The following TFAP2A variants were observed in gnomAD, a reference collection of about 807,000 sequenced individuals.
TFAP2A encodes the protein transcription factor AP-2 alpha, also known as transcription factor AP-2-alpha.
A neutral mutation model predicts 41.5 loss-of-function variants in TFAP2A; 7 were observed. The ratio of observed to expected loss-of-function variants is 0.17; its 90% confidence interval spans 0.10 to 0.32. The LOEUF (loss-of-function observed/expected upper bound fraction) is 0.32, where lower values mean the gene tolerates loss of function less well. Among genes scored for constraint, TFAP2A ranks in the 10% least tolerant of loss-of-function variants. The pLI, the probability that TFAP2A is intolerant of heterozygous loss-of-function variation, is 1.00. For synonymous variants in TFAP2A, 247 were observed against 242.8 expected, an observed-to-expected ratio of 1.02 and a Z score of -0.16; for missense variants, 416 against 563.3, an observed-to-expected ratio of 0.74 and a Z score of 2.65.
intron 3 of TFAP2A, 80 bp from the exon 4 acceptor site, chr6:10,404,819 G>C: frequency 7.6e-7 from 1 of 1,314,600 alleles, no homozygotes; most frequent in South Asian, 1.2e-5. Flanking sequence ...CCTCATCCCG[G>C]CCAGGGCCGG....
At position 10,412,621 on chromosome 6, in the gene TFAP2A, C is replaced by G. The variant is rs1352184371; in HGVS notation, c.52-2286G>C. 3.9e-5 allele frequency: 10 copies of G among 258,512 alleles called. No individual in the cohort carries two copies. The East Asian group carries it at 9.0e-4, about 23-fold the overall frequency. The allele number at this position is 258,512 out of a possible 1,614,324, so 16.0% of individuals were successfully genotyped here. ...GCAGACCTCGGGATGCAGCGGGGGT[C>G]GTGCGTAGCGGGTAGGAGCTGCTTG... On this transcript the variant is annotated intron_variant, in intron 1 of 6. Coordinates refer to ENST00000379613, the MANE Select transcript of TFAP2A (RefSeq NM_001372066.1).
upstream of TFAP2A, chr6:10,415,476 C>T: frequency 3.9e-6 from 1 of 256,830 alleles, no homozygotes; most frequent in Non-Finnish European, 7.7e-6. Flanking sequence ...CGAGGCCCTG[C>T]CCCAACACCC....
chr6:10,409,764 C>A (rs1266894600), intron 2 of TFAP2A, 137 bp downstream of exon 2: 2 of 1,104,028 alleles, frequency 1.8e-6, no homozygotes, highest in Non-Finnish European at 1.3e-6. Flanking sequence ...CCTCACTCTC[C>A]GCCTCCGAAT....
chr6:10,419,211 T>TTTGCG (rs1758347771), upstream of TFAP2A, among the ~76,000 whole-genome samples: 1 of 152,174 alleles, frequency 6.6e-6, no homozygotes, highest in African/African-American at 2.4e-5. Context: ...GGCTGCGCGC[T>TTTGCG]TTGCGCCCAG....
At chr6:10,412,042 T>G in intron 1 of TFAP2A, 1 of 1,033,564 alleles carries the variant, frequency 9.7e-7, no homozygotes, top group Non-Finnish European at 1.2e-6. Flanking sequence ...TTCATGACTA[T>G]TAATATTACA....
At chr6:10,415,114 TGGA>T (rs1758190751), upstream of TFAP2A, 6 of 1,553,218 alleles carry the variant, frequency 3.9e-6, no homozygotes, top group Admixed American at 3.7e-5. Flanking sequence ...GGAGAGGAGG[TGGA>T]GGAGGAGAAG....
chr6:10,404,561 C>T lies in TFAP2A; in HGVS notation c.717G>A (p.Arg239=), dbSNP rs554807432. ...CGTTGAGACACTCGGGTGGTGAGAGCCGCCGCTGCACTTCCGCCACCGTGA... is the reference window on the plus strand; with the variant it reads ...CGTTGAGACACTCGGGTGGTGAGAGTCGCCGCTGCACTTCCGCCACCGTGA... The part of the protein sequence containing the change: ...YKVTVAEVQR[R]LSPPECLNAS... The change falls in exon 4 of 7, where the codon CGG becomes CGA. Residue 239 remains arginine (R), a synonymous_variant. Coordinates refer to ENST00000379613, the MANE Select transcript of TFAP2A (RefSeq NM_001372066.1). The T allele has an allele frequency of 6.2e-6, 10 of 1,613,846 alleles. No individual in the cohort carries two copies. Among genetic ancestry groups the T allele is most frequent in the Middle Eastern group, 1.6e-4 (1 of 6,062 alleles).
At chr6:10,410,702 G>T (rs1757925407) in intron 1 of TFAP2A, among the ~76,000 whole-genome samples, 1 of 152,170 alleles carries the variant, frequency 6.6e-6, no homozygotes, top group East Asian at 1.9e-4. Flanking sequence ...CTTTTCCCCC[G>T]ATTTGAACCT....
chr6:10,400,730 A>G, intron 5 of TFAP2A, 141 bp from the exon 6 acceptor site: 1 of 1,002,174 alleles, frequency 1.0e-6, no homozygotes, highest in Non-Finnish European at 1.5e-6. Flanking sequence ...CATTTCAGGC[A>G]TTTTATTTCC....
Position 10,398,042 on chromosome 6 carries a change from T to G in TFAP2A, c.*375A>C. On this transcript the variant is annotated 3_prime_UTR_variant, in exon 7 of 7. Coordinates refer to ENST00000379613, the MANE Select transcript of TFAP2A (RefSeq NM_001372066.1). This position sits in a 1 kb window ranked among gnomAD's most constrained non-coding sequence, Gnocchi z 5.3. Reference sequence around the variant, plus strand: ...TTTTTTTTAGAAAAAAGTTTTTAATTTTTGTTGTTGTTGTTGCTGTTGTTG... The same window carrying G: ...TTTTTTTTAGAAAAAAGTTTTTAATGTTTGTTGTTGTTGTTGCTGTTGTTG... 1 of 1,084,980 alleles carries G rather than the reference T, an allele frequency of 9.2e-7. No individual in the cohort carries two copies. The highest frequency in any genetic ancestry group is 1.1e-6 in the Non-Finnish European group (1 of 893,494). The allele number at this position is 1,084,980 out of a possible 1,614,324, so 67.2% of individuals were successfully genotyped here. A position where few individuals can be genotyped will look rare whatever the true frequency, so the allele number is the denominator to read the frequency against.
At chr6:10,409,739 G>A in intron 2 of TFAP2A, 162 bp downstream of exon 2, 2 of 845,866 alleles carry the variant, frequency 2.4e-6, no homozygotes, top group South Asian at 1.7e-5. Context: ...ACTTTGTGTG[G>A]TTCCTCAAAA....
rs1166678474 is a variant in TFAP2A at position 10,409,807 on chromosome 6, C to T, written c.486+94G>A. On this transcript the variant is annotated intron_variant, in intron 2 of 6. Coordinates refer to ENST00000379613, the MANE Select transcript of TFAP2A (RefSeq NM_001372066.1). ...TTTTATAAGGAAATACTAGGGAGAA[C>T]CCGGGCCCACCGACTGTATGTTCCA... 6 of 1,438,986 alleles carry T rather than the reference C, an allele frequency of 4.2e-6. No homozygotes were observed. The East Asian group carries it at 1.5e-4, about 36-fold the overall frequency. The allele number at this position is 1,438,986 out of a possible 1,614,324, so 89.1% of individuals were successfully genotyped here. A position where few individuals can be genotyped will look rare whatever the true frequency, so the allele number is the denominator to read the frequency against.
At chr6:10,409,827 G>T in intron 2 of TFAP2A, 74 bp downstream of exon 2, 1 of 1,508,708 alleles carries the variant, frequency 6.6e-7, no homozygotes, top group Non-Finnish European at 9.0e-7. Context: ...CCGACTGTAT[G>T]TTCCAGGTAT....
upstream of TFAP2A, chr6:10,415,262 T>A (rs1250795350): frequency 7.0e-7 from 1 of 1,428,426 alleles, no homozygotes; most frequent in South Asian, 1.5e-5. Context: ...CTCCCTCTAA[T>A]GGTAGAAACT....
chr6:10,419,489 A>T, upstream of TFAP2A: 2 of 1,613,040 alleles, frequency 1.2e-6, no homozygotes, highest in Non-Finnish European at 1.7e-6. Context: ...CCCGCCGGGC[A>T]TGGGCTGGAG....
chr6:10,412,690 C>T (rs1371873131), intron 1 of TFAP2A: 1 of 343,392 alleles, frequency 2.9e-6, no homozygotes, highest in African/African-American at 2.2e-5. Flanking sequence ...GCGGCAGGCG[C>T]TTCCCGGCCC....
At chr6:10,402,246 T>G in intron 5 of TFAP2A, 1 of 588,302 alleles carries the variant, frequency 1.7e-6, no homozygotes, top group Non-Finnish European at 3.3e-6. Context: ...GTGCGTTGTT[T>G]AGCTCAGAAT....
At chr6:10,407,536 C>T (rs1757778640) in intron 2 of TFAP2A, 1 of 141,382 alleles carries the variant, frequency 7.1e-6, no homozygotes. Flanking sequence ...GATGGGTATA[C>T]GTGTGCGCAC....
At chr6:10,401,171 C>T (rs756221569) in intron 5 of TFAP2A, among the ~76,000 whole-genome samples, 1 of 152,220 alleles carries the variant, frequency 6.6e-6, no homozygotes, top group Non-Finnish European at 1.5e-5. Context: ...AGAACGCATG[C>T]GCCAATTAGA....
Sources: allele counts gnomAD v4.1 joint callset (sites outside exome capture counted in the v4.1 genomes callset), GRCh38; gene constraint gnomAD v4.1.1; non-coding constraint Gnocchi (gnomAD v3.1); transcripts MANE v1.5; gene names NCBI Gene and HGNC (gene_info 2026-07-23, HGNC 2026-07-21).